POU6F2: variants seen among roughly 807,000 people sequenced by gnomAD.
POU6F2 encodes the protein POU class 6 homeobox 2.
In POU6F2, 31 loss-of-function variants were observed where a neutral mutation model predicts 71.3. The ratio of observed to expected loss-of-function variants is 0.43; its 90% CI spans 0.33 to 0.59. The LOEUF (loss-of-function observed/expected upper bound fraction) is 0.59. Among genes scored for constraint, POU6F2 ranks in the 20% least tolerant of loss-of-function variants. POU6F2 has a pLI of 0.04. For missense variants in POU6F2, 783 were observed against 856.8 expected, an observed-to-expected ratio of 0.91 and a Z score of 1.07; for synonymous variants, 347 against 355.7, an observed-to-expected ratio of 0.98 and a Z score of 0.27.
chr7:39,435,934 G>T (rs1043314352), intron 7 of POU6F2, among the ~76,000 whole-genome samples: 1 of 152,138 alleles, frequency 6.6e-6, no homozygotes, highest in Non-Finnish European at 1.5e-5. Context: ...GATAGTTTTA[G>T]ATGTGTGGTG....
intron 6 of POU6F2, among the ~76,000 whole-genome samples, chr7:39,424,293 G>A (rs1446858119): frequency 6.6e-6 from 1 of 152,130 alleles, no homozygotes; most frequent in Non-Finnish European, 1.5e-5. Flanking sequence ...GACAATAGCT[G>A]GAGATAACAT....
At chr7:39,331,595 C>T (rs2115567061) in intron 4 of POU6F2, among the ~76,000 whole-genome samples, 1 of 152,260 alleles carries the variant, frequency 6.6e-6, no homozygotes, top group African/African-American at 2.4e-5. Context: ...GCAACCTCCA[C>T]CTCCTGGGTC....
chr7:39,296,912 C>T (rs1370748371), intron 4 of POU6F2, among the ~76,000 whole-genome samples: 2 of 152,100 alleles, frequency 1.3e-5, no homozygotes, highest in East Asian at 3.9e-4. Context: ...CATAAAAGCT[C>T]AGTGCATTTA....
chr7:39,309,344 T>C (rs1318233104), intron 4 of POU6F2, among the ~76,000 whole-genome samples: 7 of 152,204 alleles, frequency 4.6e-5, no homozygotes, highest in Admixed American at 1.3e-4. Flanking sequence ...CTCTCTGTCC[T>C]CTCTCTTCCC....
chr7:39,072,968 C>G (rs1486862103), intron 1 of POU6F2, among the ~76,000 whole-genome samples: 1 of 152,170 alleles, frequency 6.6e-6, no homozygotes, highest in Non-Finnish European at 1.5e-5. Flanking sequence ...TGAAAGTAGA[C>G]AGGCACAAAG....
intron 1 of POU6F2, among the ~76,000 whole-genome samples, chr7:38,992,790 G>T (rs1319941805): frequency 1.3e-5 from 2 of 152,114 alleles, no homozygotes; most frequent in African/African-American, 4.8e-5. Flanking sequence ...GAAATATTGT[G>T]TTACTATTCA....
intron 5 of POU6F2, among the ~76,000 whole-genome samples, chr7:39,398,005 G>A (rs1468719935): frequency 6.6e-6 from 1 of 151,602 alleles, no homozygotes; most frequent in Admixed American, 6.6e-5. Context: ...TATTTTAGCA[G>A]AGTTAGAGTT....
At chr7:39,424,629 A>G (rs10239767) in intron 6 of POU6F2, among the ~76,000 whole-genome samples, 44,602 of 151,954 alleles carry the variant, frequency 0.29, 6,936 homozygotes, top group East Asian at 0.54. Flanking sequence ...AATGTAATAT[A>G]ATCTTGTGTA....
intron 1 of POU6F2, among the ~76,000 whole-genome samples, chr7:39,076,900 AT>A (rs1791014902): frequency 1.3e-5 from 2 of 151,798 alleles, no homozygotes; most frequent in African/African-American, 4.8e-5. Context: ...ACACACATTA[AT>A]TAACAGTCTC....
intron 6 of POU6F2, among the ~76,000 whole-genome samples, chr7:39,409,135 A>G (rs1787497278): frequency 6.6e-6 from 1 of 152,230 alleles, no homozygotes; most frequent in Non-Finnish European, 1.5e-5. Flanking sequence ...GCCCATTTTC[A>G]ATTTCTTAAA....
At chr7:38,997,665 G>A (rs140429283) in intron 1 of POU6F2, among the ~76,000 whole-genome samples, 11 of 152,248 alleles carry the variant, frequency 7.2e-5, no homozygotes, top group African/African-American at 2.6e-4. Context: ...ACAAACATTG[G>A]CAGATGGTGA....
At chr7:39,233,097 T>C (rs1208391698) in intron 4 of POU6F2, among the ~76,000 whole-genome samples, 1 of 152,220 alleles carries the variant, frequency 6.6e-6, no homozygotes. Context: ...TCAGGTGTTT[T>C]ATTAACCACT....
At chr7:39,157,788 C>T (rs1483197360) in intron 2 of POU6F2, among the ~76,000 whole-genome samples, 1 of 152,214 alleles carries the variant, frequency 6.6e-6, no homozygotes, top group Non-Finnish European at 1.5e-5. Flanking sequence ...ATTCTTTCAA[C>T]AGGCAACGAA....
rs190936482 is a variant in POU6F2, at chr7:39,443,592, G to A, written c.1321-7941G>A. Among the ~76,000 whole-genome samples, 6 of 152,292 alleles carry A rather than the reference G, an allele frequency of 3.9e-5. No individual in the cohort carries two copies. The East Asian group carries it at 9.6e-4, about 24-fold the overall frequency. The stretch of plus-strand genomic sequence containing the variant: ...GCATTGGCTCCAGTTGAGACACCAT[G>A]AGAACACGCAATCAAGCTAACAAGT... On this transcript the variant is annotated intron_variant, in intron 7 of 9. Transcript: ENST00000518318.
At position 39,001,458 on chromosome 7, in the gene POU6F2, A is replaced by C. The variant is rs186248708; in HGVS notation, c.105+23400A>C. 1.3e-3 allele frequency among the ~76,000 whole-genome samples: 198 copies of C among 152,318 alleles called. 4 individuals are homozygous for C. In the Middle Eastern group the frequency reaches 0.017, roughly 13 times the overall value. Reference sequence around the variant, plus strand: ...CAAGCAAACAGATGAGAAACAAGTAAAAAATAAAAGGAGAATCTCAATTTG... The same window carrying C: ...CAAGCAAACAGATGAGAAACAAGTACAAAATAAAAGGAGAATCTCAATTTG... On this transcript the variant is annotated intron_variant, in intron 1 of 9. Transcript: ENST00000518318.
At chr7:39,299,931 A>G (rs569960953) in intron 4 of POU6F2, among the ~76,000 whole-genome samples, 1 of 152,262 alleles carries the variant, frequency 6.6e-6, no homozygotes, top group Non-Finnish European at 1.5e-5. Flanking sequence ...CTGTTGTTTC[A>G]TGCCCCCAGC....
chr7:39,252,647 G>A lies in POU6F2; in HGVS notation c.598+45027G>A, dbSNP rs1214064534. ...CAGAGGTTGAACATTTGTGTTTGGA[G>A]AAACCTAACAGCCTCTGCTTTTTTG... is the stretch of plus-strand genomic sequence containing the variant. On this transcript the variant is annotated intron_variant, in intron 4 of 9. Coordinates refer to ENST00000518318, the MANE Select transcript of POU6F2 (RefSeq NM_001370959.1). Among the ~76,000 whole-genome samples, 3 of 152,086 alleles carry A rather than the reference G, an allele frequency of 2.0e-5. No homozygotes were observed. The East Asian group carries it at 5.8e-4, about 29-fold the overall frequency.
intron 4 of POU6F2, among the ~76,000 whole-genome samples, chr7:39,252,897 A>G (rs1783952882): frequency 6.6e-6 from 1 of 152,004 alleles, no homozygotes; most frequent in African/African-American, 2.4e-5. Context: ...AGCTCTTAAC[A>G]CTATGCGATA....
At chr7:39,098,687 T>G (rs924734624) in intron 2 of POU6F2, among the ~76,000 whole-genome samples, 1 of 152,218 alleles carries the variant, frequency 6.6e-6, no homozygotes, top group Admixed American at 6.5e-5. Context: ...AATAACATGT[T>G]GAAGCTTCAG....
Sources: gnomAD v4.1 joint callset for allele counts (sites outside exome capture counted in the v4.1 genomes callset) on GRCh38, gnomAD v4.1.1 for gene constraint, MANE v1.5 for transcripts, NCBI Gene and HGNC (gene_info 2026-07-23, HGNC 2026-07-21) for gene names.